The following SCOC variants were observed in gnomAD, a reference collection of about 807,000 sequenced individuals.
SCOC encodes the protein short coiled-coil protein.
Under a neutral mutation model 9.9 loss-of-function variants are expected in SCOC, and 7 were observed. That is an observed-to-expected ratio of 0.71 (90% CI 0.40 to 1.33). The LOEUF (loss-of-function observed/expected upper bound fraction) is 1.33. Ranked by LOEUF, SCOC falls within the 40% of genes most tolerant of loss-of-function variation. The pLI is 0.01. For synonymous variants in SCOC, 19 were observed against 28.2 expected (o/e 0.67, Z 1.03); for missense variants, 66 against 89.7 (o/e 0.74, Z 1.07).
chr4:140,289,570 C>T (rs987329007), intron 1 of SCOC, among the ~76,000 whole-genome samples: 3 of 152,168 alleles, frequency 2.0e-5, no homozygotes, highest in East Asian at 1.9e-4. Context: ...AGGGCAAATT[C>T]GTTTTGAGAT....
chr4:140,340,939 G>A (rs1726492397), upstream of SCOC, among the ~76,000 whole-genome samples: 1 of 151,604 alleles, frequency 6.6e-6, no homozygotes, highest in Admixed American at 6.6e-5. Flanking sequence ...TTACAGGCGT[G>A]TGCCACTATG....
chr4:140,306,624 T>C (rs555349632), intron 1 of SCOC, among the ~76,000 whole-genome samples: 16 of 151,782 alleles, frequency 1.1e-4, no homozygotes, highest in Admixed American at 7.9e-4. Flanking sequence ...AGGGGAAATG[T>C]GGACACTGCC....
At chr4:140,354,540 A>G (rs934788163) in intron 2 of SCOC, among the ~76,000 whole-genome samples, 8 of 75,782 alleles carry the variant, frequency 1.1e-4, no homozygotes, top group Non-Finnish European at 1.7e-4. Context: ...TTTGCAGGAT[A>G]TTTTTTACCA....
At chr4:140,319,134 C>A (rs1218384843) in intron 1 of SCOC, among the ~76,000 whole-genome samples, 1 of 152,108 alleles carries the variant, frequency 6.6e-6, no homozygotes, top group Non-Finnish European at 1.5e-5. Context: ...TCTTGTTGCC[C>A]AGGCTGGAGT....
chr4:140,301,281 G>T (rs1304829727), intron 1 of SCOC, among the ~76,000 whole-genome samples: 1 of 152,138 alleles, frequency 6.6e-6, no homozygotes, highest in Non-Finnish European at 1.5e-5. Flanking sequence ...TAGATTTTCT[G>T]TTCCGGGGTC....
In SCOC at chr4:140,362,275, TTA is replaced by T. The variant is rs1170821285; in HGVS notation, c.71-16845_71-16844del. Among the ~76,000 whole-genome samples, 54 of 10,644 alleles carry T rather than the reference TTA, an allele frequency of 5.1e-3. 2 individuals carry two copies. Among genetic ancestry groups the T allele is most frequent in the African/African-American group, 9.8e-3 (33 of 3,376 alleles). The allele number at this position is 10,644 out of a possible 152,430, so 7.0% of individuals were successfully genotyped here. On this transcript the variant is annotated intron_variant, in intron 2 of 4. Transcript: ENST00000338517. ...AGACCGGCTAAAGACAGGTGTGTCC[TTA>T]CTTCTTCTTCTTCTTCTTCTTCTTT...
chr4:140,277,192 G>A (rs1286168606), intron 1 of SCOC, among the ~76,000 whole-genome samples: 2 of 152,098 alleles, frequency 1.3e-5, no homozygotes, highest in East Asian at 3.9e-4. Context: ...AAGAGACAGA[G>A]CTTAACAAAG....
At chr4:140,273,959 C>A (rs1730920121) in intron 1 of SCOC, among the ~76,000 whole-genome samples, 1 of 152,164 alleles carries the variant, frequency 6.6e-6, no homozygotes, top group Non-Finnish European at 1.5e-5. Context: ...ACCTATTTGA[C>A]TTTGATAAGT....
At chr4:140,260,166 C>T (rs977261858) in intron 1 of SCOC, among the ~76,000 whole-genome samples, 5 of 152,212 alleles carry the variant, frequency 3.3e-5, no homozygotes, top group African/African-American at 1.2e-4. Flanking sequence ...CATCATATGT[C>T]CTGTGTGGTG....
At chr4:140,313,618 C>A (rs939262505) in intron 1 of SCOC, among the ~76,000 whole-genome samples, 1 of 152,044 alleles carries the variant, frequency 6.6e-6, no homozygotes, top group Non-Finnish European at 1.5e-5. Flanking sequence ...AAATTGATAT[C>A]TTTTATTGCA....
rs1732866479 is a variant in SCOC at position 140,333,097 on chromosome 4, C to T, written c.-18-10524C>T. On this transcript the variant is annotated intron_variant, in intron 1 of 4. Coordinates refer to the SCOC transcript ENST00000394205. ...CTTCTTTGTGCATGCCAAACCTGTT[C>T]ATGCCACCTCAAGGTCTTTGCACTT... Among the ~76,000 whole-genome samples, 4 of 152,296 alleles carry T rather than the reference C, an allele frequency of 2.6e-5. No homozygotes were observed. The South Asian group carries it at 8.3e-4, about 32-fold the overall frequency.
chr4:140,352,153 A>G (rs1727008007), intron 2 of SCOC, among the ~76,000 whole-genome samples: 1 of 152,146 alleles, frequency 6.6e-6, no homozygotes, highest in Non-Finnish European at 1.5e-5. Flanking sequence ...TTCTCTTTAC[A>G]CCCTCCAATG....
chr4:140,273,052 G>A (rs949678334), intron 1 of SCOC, among the ~76,000 whole-genome samples: 3 of 152,154 alleles, frequency 2.0e-5, no homozygotes, highest in African/African-American at 7.2e-5. Context: ...ACGGGCCCAC[G>A]TGCTCATTTT....
intron 1 of SCOC, among the ~76,000 whole-genome samples, chr4:140,294,939 T>A (rs1731580877): frequency 6.6e-6 from 1 of 152,222 alleles, no homozygotes; most frequent in African/African-American, 2.4e-5. Flanking sequence ...GCTTTACACA[T>A]TGTGCATAAG....
At position 140,281,558 on chromosome 4, in the gene SCOC, T is replaced by C. The variant is rs552769468; in HGVS notation, c.-19+24148T>C. On this transcript the variant is annotated intron_variant, in intron 1 of 4. Coordinates refer to the SCOC transcript ENST00000394205. ...GGGCATACTTAGGCAGCGCTGTTAT[T>C]TCTTGCTTTGTGGCCTCAGTCTTTT... Among the ~76,000 whole-genome samples the C allele has an allele frequency of 1.5e-4, 23 of 152,348 alleles. No homozygotes were observed. In the East Asian group the frequency reaches 4.2e-3, roughly 28 times the overall value.
At chr4:140,377,251 A>G (rs6813699) in intron 1 of SCOC, among the ~76,000 whole-genome samples, 4,912 of 152,304 alleles carry the variant, frequency 0.032, 260 homozygotes, top group African/African-American at 0.11. Flanking sequence ...TTCCTCTTCA[A>G]TTATAGTTAA....
chr4:140,264,448 A>G (rs7655290), intron 1 of SCOC, among the ~76,000 whole-genome samples: 19,798 of 152,184 alleles, frequency 0.13, 2,123 homozygotes, highest in East Asian at 0.28. Flanking sequence ...AATTGTACCT[A>G]GACCTTCATA....
intron 1 of SCOC, among the ~76,000 whole-genome samples, chr4:140,268,714 C>T (rs1730781361): frequency 1.3e-5 from 2 of 152,156 alleles, no homozygotes; most frequent in East Asian, 1.9e-4. Flanking sequence ...ATTCAGACTG[C>T]TGGTGCTTCC....
intron 2 of SCOC, among the ~76,000 whole-genome samples, chr4:140,364,343 T>A (rs536043218): frequency 1.3e-5 from 2 of 152,186 alleles, no homozygotes; most frequent in East Asian, 3.9e-4. Context: ...AATGTCAAGA[T>A]AATTAAAGAA....
Sources: gnomAD v4.1 joint callset for allele counts (sites outside exome capture counted in the v4.1 genomes callset) on GRCh38, gnomAD v4.1.1 for gene constraint, MANE v1.5 for transcripts, NCBI Gene and HGNC (gene_info 2026-07-23, HGNC 2026-07-21) for gene names.